The following ERBIN variants were observed in gnomAD, a reference collection of about 807,000 sequenced individuals.
ERBIN encodes the protein densin-180-like protein.
In ERBIN, 60 loss-of-function variants were observed where a neutral mutation model predicts 158.4. The observed-to-expected ratio is 0.38, with a 90% CI of 0.31 to 0.47. The LOEUF (loss-of-function observed/expected upper bound fraction) is 0.47, where lower values mean the gene tolerates loss of function less well. Ranked by LOEUF, ERBIN falls within the 20% of genes least tolerant of loss-of-function variation. ERBIN has a pLI of 0.99. For missense variants in ERBIN, 1,610 were observed against 1,648.0 expected, an observed-to-expected ratio of 0.98 and a Z score of 0.40; for synonymous variants, 594 against 557.2, an observed-to-expected ratio of 1.07 and a Z score of -0.93.
chr5:66,025,713 T>C (rs1756172330), intron 11 of ERBIN, 135 bp from the exon 12 acceptor site: 1 of 840,956 alleles, frequency 1.2e-6, no homozygotes, highest in Admixed American at 3.0e-5. Context: ...ACCTACTTAT[T>C]GGTGAAGTTT....
chr5:65,984,476 C>T (rs368625036), intron 1 of ERBIN, among the ~76,000 whole-genome samples: 1 of 152,162 alleles, frequency 6.6e-6, no homozygotes, highest in African/African-American at 2.4e-5. Flanking sequence ...CACTCCATAC[C>T]CACCAGGCTT....
At chr5:66,034,760 A>G (rs372617385) in intron 14 of ERBIN, among the ~76,000 whole-genome samples, 1 of 152,180 alleles carries the variant, frequency 6.6e-6, no homozygotes, top group Non-Finnish European at 1.5e-5. Context: ...TGGTGATACT[A>G]ATTTGCTCAG....
At chr5:66,022,619 A>G (rs1168850066) in intron 8 of ERBIN, among the ~76,000 whole-genome samples, 1 of 152,220 alleles carries the variant, frequency 6.6e-6, no homozygotes, top group African/African-American at 2.4e-5. Flanking sequence ...GCAGACTTGA[A>G]GGGACAATGC....
At chr5:66,032,830 G>A (rs1757024622) in intron 14 of ERBIN, among the ~76,000 whole-genome samples, 13 of 152,208 alleles carry the variant, frequency 8.5e-5, no homozygotes, top group Admixed American at 7.9e-4. Context: ...ATGAAGCAAT[G>A]CATGTATGTG....
At position 66,038,440 on chromosome 5, in the gene ERBIN, C is replaced by G. The variant is rs373514694; in HGVS notation, c.1264C>G (p.Leu422Val). The G allele has an allele frequency of 6.2e-7, 1 of 1,612,166 alleles. No homozygotes were observed. The highest frequency in any genetic ancestry group is 1.3e-5 in the African/African-American group (1 of 74,844). The part of the protein sequence containing the change: ...ETDSETQKMV[L>V]TNYMFPQQPR... ...TGATTCAGAGACCCAGAAAATGGTGCTTACCAACTACATGTTCCCTCAACA... is the reference window on the plus strand; with the variant it reads ...TGATTCAGAGACCCAGAAAATGGTGGTTACCAACTACATGTTCCCTCAACA... The change falls in exon 15 of 26, where the codon CTT becomes GTT. Residue 422 changes from leucine to valine, a missense_variant. Leu to Val is a conservative substitution (Grantham distance 32). This residue lies in a region of ERBIN where 596 missense variants were observed against 711.9 expected (regional missense o/e 0.84). Coordinates refer to ENST00000284037, the MANE Select transcript of ERBIN (RefSeq NM_001253697.2).
At chr5:65,938,429 G>A (rs1744359159) in intron 1 of ERBIN, among the ~76,000 whole-genome samples, 2 of 150,060 alleles carry the variant, frequency 1.3e-5, no homozygotes, top group South Asian at 2.1e-4. Flanking sequence ...TGGAGTCAGT[G>A]GTGTGATCAT....
rs1033359914 is a variant in ERBIN at position 65,981,661 on chromosome 5, A to T, written c.-57-6974A>T. Among the ~76,000 whole-genome samples the T allele has an allele frequency of 4.6e-5, 7 of 152,264 alleles. No individual in the cohort carries two copies. In the East Asian group the frequency reaches 1.3e-3, roughly 29 times the overall value. On this transcript the variant is annotated intron_variant, in intron 1 of 25. Coordinates refer to ENST00000284037, the MANE Select transcript of ERBIN (RefSeq NM_001253697.2). Reference sequence around the variant, plus strand: ...GTTATTTTTAAACAACAAAAAAAAAACAATTGTTTTAGGTATCTGTTTCTG... The same window carrying T: ...GTTATTTTTAAACAACAAAAAAAAATCAATTGTTTTAGGTATCTGTTTCTG...
intron 1 of ERBIN, among the ~76,000 whole-genome samples, chr5:65,971,873 AG>A (rs1237893193): frequency 1.3e-5 from 2 of 152,138 alleles, no homozygotes; most frequent in Admixed American, 6.5e-5. Context: ...TCCATCTAGG[AG>A]GGCAGTGTTA....
intron 21 of ERBIN, among the ~76,000 whole-genome samples, chr5:66,066,023 T>C (rs903928287): frequency 2.0e-5 from 3 of 152,136 alleles, no homozygotes; most frequent in Non-Finnish European, 2.9e-5. Context: ...AATTAACTCT[T>C]TATTTCTGCA....
chr5:65,970,556 A>G (rs930002070), intron 1 of ERBIN, among the ~76,000 whole-genome samples: 2 of 152,006 alleles, frequency 1.3e-5, no homozygotes, highest in African/African-American at 4.8e-5. Context: ...TTACCACCAG[A>G]CTATTTGGTC....
Position 66,014,728 on chromosome 5 carries a change from A to G in ERBIN, c.533+3A>G. 1 of 1,404,304 alleles carries G rather than the reference A, an allele frequency of 7.1e-7. No individual in the cohort carries two copies. Among genetic ancestry groups the G allele is most frequent in the South Asian group, 1.4e-5 (1 of 72,448 alleles). The allele number at this position is 1,404,304 out of a possible 1,614,324, so 87.0% of individuals were successfully genotyped here. ...AACCAGTTAAAAATGTTGCCTAAGT[A>G]AGTAAAGGTGCTATTCTTTAAAAAA... On this transcript the variant is annotated splice_donor_region_variant and intron_variant, in intron 7 of 25. Transcript: ENST00000284037.
At chr5:65,964,685 AT>A (rs1748327508) in intron 1 of ERBIN, among the ~76,000 whole-genome samples, 1 of 150,938 alleles carries the variant, frequency 6.6e-6, no homozygotes, top group Non-Finnish European at 1.5e-5. Context: ...TACTGCAGAC[AT>A]TTGCACTAAT....
intron 4 of ERBIN, among the ~76,000 whole-genome samples, chr5:66,002,513 C>T (rs979356100): frequency 6.6e-6 from 1 of 152,098 alleles, no homozygotes; most frequent in Non-Finnish European, 1.5e-5. Flanking sequence ...CTTATATGAA[C>T]ATAATGAATA....
At chr5:66,018,352 T>G (rs540943924) in intron 7 of ERBIN, among the ~76,000 whole-genome samples, 2 of 136,882 alleles carry the variant, frequency 1.5e-5, no homozygotes, top group South Asian at 2.3e-4. Context: ...ATCAGAGTTT[T>G]ATAGTTTTTC....
intron 7 of ERBIN, among the ~76,000 whole-genome samples, chr5:66,016,332 T>C (rs1754710566): frequency 6.6e-6 from 1 of 152,236 alleles, no homozygotes; most frequent in African/African-American, 2.4e-5. Context: ...ATAATTACTA[T>C]GTGATATCAT....
intron 1 of ERBIN, among the ~76,000 whole-genome samples, chr5:65,934,468 C>T (rs1743838654): frequency 1.3e-5 from 2 of 151,940 alleles, no homozygotes; most frequent in Non-Finnish European, 2.9e-5. Flanking sequence ...CTGAAGATGA[C>T]AGGCCTAGTT....
chr5:65,948,623 A>G (rs1746100112), intron 1 of ERBIN, among the ~76,000 whole-genome samples: 1 of 152,126 alleles, frequency 6.6e-6, no homozygotes, highest in Non-Finnish European at 1.5e-5. Flanking sequence ...TAACATAGAC[A>G]TAGCCATTTA....
intron 1 of ERBIN, among the ~76,000 whole-genome samples, chr5:65,964,945 T>TGTGTGTGTGC (rs1244833398): frequency 8.6e-6 from 1 of 116,604 alleles, no homozygotes; most frequent in African/African-American, 3.6e-5. Flanking sequence ...TGTGTGTGTG[T>TGTGTGTGTGC]AATTTTTTTT....
intron 21 of ERBIN, among the ~76,000 whole-genome samples, chr5:66,066,034 A>G (rs1347255074): frequency 6.6e-6 from 1 of 152,122 alleles, no homozygotes; most frequent in Non-Finnish European, 1.5e-5. Flanking sequence ...TATTTCTGCA[A>G]GTCTCTCGTG....
Sources: gnomAD v4.1 joint callset for allele counts (sites outside exome capture counted in the v4.1 genomes callset) on GRCh38, gnomAD v4.1.1 for gene constraint, gnomAD v4.1.1 regional missense constraint, MANE v1.5 for transcripts, NCBI Gene and HGNC (gene_info 2026-07-23, HGNC 2026-07-21) for gene names.